NCOA2: variants seen among roughly 807,000 people sequenced by gnomAD.
NCOA2 encodes nuclear receptor coactivator 2.
In NCOA2, 21 loss-of-function variants were observed where a neutral mutation model predicts 145.1. That is an observed-to-expected ratio of 0.14 (90% CI 0.10 to 0.21). The LOEUF is 0.21. Among genes scored for constraint, NCOA2 ranks in the 10% least tolerant of loss-of-function variants. The pLI is 1.00. For synonymous variants in NCOA2, 619 were observed against 637.5 expected, an observed-to-expected ratio of 0.97 and a Z score of 0.44; for missense variants, 1,472 against 1,837.6, an observed-to-expected ratio of 0.80 and a Z score of 3.64.
At chr8:70,331,195 G>C (rs115848998) in intron 1 of NCOA2, among the ~76,000 whole-genome samples, 481 of 152,116 alleles carry the variant, frequency 3.2e-3, no homozygotes, top group African/African-American at 0.011. Flanking sequence ...ATAATGATCA[G>C]GAGTAAAACT....
the NCOA2 span, among the ~76,000 whole-genome samples, chr8:70,410,445 C>A: frequency 6.6e-6 from 1 of 152,064 alleles, no homozygotes. Flanking sequence ...ATAATAATAA[C>A]CCAGCCTCCC....
chr8:70,205,654 A>G (rs1036276400), intron 4 of NCOA2, among the ~76,000 whole-genome samples: 2 of 152,170 alleles, frequency 1.3e-5, no homozygotes, highest in African/African-American at 2.4e-5. Flanking sequence ...GGAGGAAACC[A>G]CAACGTGAGA....
chr8:70,404,003 A>G (rs1419631831), upstream of NCOA2, among the ~76,000 whole-genome samples: 3 of 151,968 alleles, frequency 2.0e-5, no homozygotes, highest in Admixed American at 6.6e-5. Flanking sequence ...TGTCACCGGG[A>G]AAAGGACGGG....
chr8:70,239,152 T>G lies in NCOA2; in HGVS notation c.-19-22388A>C, dbSNP rs73291197. Reference sequence around the variant, plus strand: ...CTGTGTTCCAGAATATAATTTCAACTGCCTTGAGTTTACCTGGGAATTGAA... The same window carrying G: ...CTGTGTTCCAGAATATAATTTCAACGGCCTTGAGTTTACCTGGGAATTGAA... On this transcript the variant is annotated intron_variant, in intron 2 of 22. Coordinates refer to ENST00000452400, the MANE Select transcript of NCOA2 (RefSeq NM_006540.4). Among the ~76,000 whole-genome samples, 642 of 152,244 alleles carry G rather than the reference T, an allele frequency of 4.2e-3. 4 individuals carry two copies. The highest frequency in any genetic ancestry group is 0.015 in the African/African-American group (613 of 41,558).
intron 2 of NCOA2, among the ~76,000 whole-genome samples, chr8:70,289,779 T>C (rs553314384): frequency 3.9e-5 from 6 of 152,312 alleles, no homozygotes; most frequent in African/African-American, 1.4e-4. Context: ...TACATTGATT[T>C]AAACTGTATG....
chr8:70,399,238 C>T (rs1813994797), intron 1 of NCOA2, among the ~76,000 whole-genome samples: 1 of 152,286 alleles, frequency 6.6e-6, no homozygotes, highest in South Asian at 2.1e-4. Context: ...GCTTGCAATT[C>T]ATAAAGCCCT....
intron 2 of NCOA2, among the ~76,000 whole-genome samples, chr8:70,263,184 T>G (rs373620063): frequency 1.4e-5 from 2 of 145,758 alleles, no homozygotes; most frequent in East Asian, 4.0e-4. Flanking sequence ...ACAGTGGACC[T>G]GATAACCAAG....
At chr8:70,348,693 G>A (rs1808894255) in intron 1 of NCOA2, among the ~76,000 whole-genome samples, 1 of 152,140 alleles carries the variant, frequency 6.6e-6, no homozygotes, top group African/African-American at 2.4e-5. Context: ...CAGAATGACT[G>A]ACATTTTGAG....
chr8:70,367,002 A>G (rs1375942293), intron 1 of NCOA2, among the ~76,000 whole-genome samples: 1 of 152,240 alleles, frequency 6.6e-6, no homozygotes, highest in Non-Finnish European at 1.5e-5. Flanking sequence ...CTCATCATCC[A>G]CAGCAACCTG....
At chr8:70,139,644 C>CTT (rs911504754) in intron 14 of NCOA2, among the ~76,000 whole-genome samples, 6,222 of 91,876 alleles carry the variant, frequency 0.068, 748 homozygotes, top group African/African-American at 0.13. Flanking sequence ...CGCTGGCCAT[C>CTT]TTTTTTTTTT....
intron 2 of NCOA2, chr8:70,273,347 G>GCGCA (rs1825210859): frequency 2.3e-6 from 1 of 437,756 alleles, no homozygotes; most frequent in Non-Finnish European, 4.0e-6. Context: ...CTAGTCCCCC[G>GCGCA]CGCAGCCCCT....
chr8:70,349,173 GTCCC>G (rs1808949710), intron 1 of NCOA2, among the ~76,000 whole-genome samples: 1 of 151,926 alleles, frequency 6.6e-6, no homozygotes, highest in Non-Finnish European at 1.5e-5. Context: ...TAACAGTATA[GTCCC>G]TACTATTAAA....
At chr8:70,359,825 A>G (rs1810050979) in intron 1 of NCOA2, among the ~76,000 whole-genome samples, 1 of 152,142 alleles carries the variant, frequency 6.6e-6, no homozygotes, top group Non-Finnish European at 1.5e-5. Flanking sequence ...CTTCTAATAA[A>G]CACTGAGGTA....
the NCOA2 span, among the ~76,000 whole-genome samples, chr8:70,429,823 T>G: frequency 6.6e-6 from 1 of 152,208 alleles, no homozygotes; most frequent in African/African-American, 2.4e-5. Context: ...TTTATTTTTA[T>G]TTTTAGTTAA....
At chr8:70,260,645 C>A (rs1169375956) in intron 2 of NCOA2, among the ~76,000 whole-genome samples, 1 of 152,154 alleles carries the variant, frequency 6.6e-6, no homozygotes, top group Non-Finnish European at 1.5e-5. Flanking sequence ...ATCACAAGCA[C>A]AATTATACAG....
intron 1 of NCOA2, among the ~76,000 whole-genome samples, chr8:70,307,808 G>A (rs1828009714): frequency 6.6e-6 from 1 of 152,194 alleles, no homozygotes; most frequent in Non-Finnish European, 1.5e-5. Context: ...AAATACGCTT[G>A]CATGGTAGTG....
intron 4 of NCOA2, among the ~76,000 whole-genome samples, chr8:70,195,977 C>CT (rs1018356239): frequency 2.6e-5 from 4 of 152,150 alleles, no homozygotes; most frequent in African/African-American, 9.7e-5. Context: ...TTTTATGTTC[C>CT]TTTTAAGACA....
chr8:70,315,383 T>A (rs937040461), intron 1 of NCOA2, among the ~76,000 whole-genome samples: 7 of 152,236 alleles, frequency 4.6e-5, no homozygotes, highest in African/African-American at 1.7e-4. Context: ...TGTGTATGGA[T>A]GACGCCATTA....
chr8:70,299,598 T>C (rs931337069), intron 1 of NCOA2, among the ~76,000 whole-genome samples: 4 of 152,316 alleles, frequency 2.6e-5, no homozygotes, highest in African/African-American at 9.6e-5. Flanking sequence ...CATTAGTTAT[T>C]AGGAAAATGG....
Sources: allele counts gnomAD v4.1 joint callset (sites outside exome capture counted in the v4.1 genomes callset), GRCh38; gene constraint gnomAD v4.1.1; transcripts MANE v1.5; gene names NCBI Gene and HGNC (gene_info 2026-07-23, HGNC 2026-07-21).